RCBTB2: variants seen among roughly 807,000 people sequenced by gnomAD.
RCBTB2 encodes RCC1 and BTB domain containing protein 2.
A neutral mutation model predicts 65.4 loss-of-function variants in RCBTB2; 55 were observed. The observed-to-expected ratio is 0.84, with a 90% CI of 0.68 to 1.05. The LOEUF (loss-of-function observed/expected upper bound fraction) is 1.05, where lower values mean the gene tolerates loss of function less well. Among genes scored for constraint, RCBTB2 ranks in the 50% least tolerant of loss-of-function variants. RCBTB2 has a pLI of 0.00. For synonymous variants in RCBTB2, 220 were observed against 255.2 expected, an observed-to-expected ratio of 0.86 and a Z score of 1.31; for missense variants, 599 against 680.1, an observed-to-expected ratio of 0.88 and a Z score of 1.33.
intron 14 of RCBTB2, among the ~76,000 whole-genome samples, chr13:48,493,607 C>G (rs1346982975): frequency 6.6e-6 from 1 of 151,996 alleles, no homozygotes; most frequent in East Asian, 1.9e-4. Flanking sequence ...ACTGTGCTCC[C>G]TCCACACCGG....
chr13:48,517,418 C>T (rs1256321974), intron 4 of RCBTB2, among the ~76,000 whole-genome samples: 1 of 152,194 alleles, frequency 6.6e-6, no homozygotes, highest in East Asian at 1.9e-4. Flanking sequence ...GCCCCAAATC[C>T]CTGCTCTCGG....
At chr13:48,515,763 T>C (rs1464409672) in intron 4 of RCBTB2, 22 bp from the exon 5 acceptor site, 1 of 1,585,684 alleles carries the variant, frequency 6.3e-7, no homozygotes, top group South Asian at 1.2e-5. Flanking sequence ...AAAATATATG[T>C]TGAAATGACA....
intron 10 of RCBTB2, among the ~76,000 whole-genome samples, chr13:48,506,008 G>A (rs897236880): frequency 2.0e-5 from 3 of 152,194 alleles, no homozygotes; most frequent in African/African-American, 7.2e-5. Context: ...CATCAGTGTG[G>A]CCCTGACTAC....
rs143122031 is a variant in RCBTB2, at chr13:48,502,744, G to T, written c.1097C>A (p.Thr366Lys). Residue 366 changes from threonine to lysine, a missense_variant, in exon 11 of 15, where the codon ACG becomes AAG. Coordinates refer to ENST00000344532, the MANE Select transcript of RCBTB2 (RefSeq NM_001268.4). ...VFACFATPAV[T>K]WRLLSVEPDD... is the part of the protein sequence containing the mutation. Reference sequence around the variant, plus strand: ...CTTACCCACGGAGAGGAGGCGCCACGTGACGGCGGGCGTGGCAAAGCAGGC... The same window carrying T: ...CTTACCCACGGAGAGGAGGCGCCACTTGACGGCGGGCGTGGCAAAGCAGGC... 1 of 1,612,130 alleles carries T rather than the reference G, an allele frequency of 6.2e-7. No individual in the cohort carries two copies. The highest frequency in any genetic ancestry group is 1.1e-5 in the South Asian group (1 of 90,968).
At chr13:48,531,359 T>C (rs747495145) in intron 1 of RCBTB2, among the ~76,000 whole-genome samples, 1 of 152,218 alleles carries the variant, frequency 6.6e-6, no homozygotes, top group Non-Finnish European at 1.5e-5. Context: ...TGGAGATAGA[T>C]TGATCATACC....
chr13:48,505,544 G>A (rs1305442351), intron 10 of RCBTB2, among the ~76,000 whole-genome samples: 1 of 152,196 alleles, frequency 6.6e-6, no homozygotes, highest in African/African-American at 2.4e-5. Context: ...AAGAAAATGG[G>A]AGAAGGAAAT....
At chr13:48,524,206 ATTACC>A (rs1185562822) in intron 2 of RCBTB2, among the ~76,000 whole-genome samples, 1 of 152,108 alleles carries the variant, frequency 6.6e-6, no homozygotes, top group African/African-American at 2.4e-5. Flanking sequence ...ACACGTGGAG[ATTACC>A]TTACCCTGTT....
At chr13:48,532,244 C>CT (rs1952174194) in intron 1 of RCBTB2, 2 of 152,260 alleles carry the variant, frequency 1.3e-5, no homozygotes, top group Admixed American at 1.3e-4. Flanking sequence ...CTGAAAACCT[C>CT]TATTTCCAGG....
intron 1 of RCBTB2, among the ~76,000 whole-genome samples, chr13:48,529,437 G>A (rs1212918688): frequency 1.3e-5 from 2 of 152,136 alleles, no homozygotes; most frequent in Admixed American, 6.5e-5. Flanking sequence ...TTATAATGCA[G>A]TCAAAATTTA....
upstream of RCBTB2, chr13:48,535,794 G>A: frequency 1.5e-5 from 7 of 456,178 alleles, no homozygotes; most frequent in South Asian, 1.1e-4. Flanking sequence ...CCATCTCACT[G>A]GCAGCTCCAT....
chr13:48,510,861 A>G, intron 9 of RCBTB2, 90 bp from the exon 10 acceptor site: 2 of 1,393,070 alleles, frequency 1.4e-6, no homozygotes, highest in Non-Finnish European at 2.0e-6. Context: ...AAATGAAAAA[A>G]AAAGGAAGAG....
chr13:48,494,133 T>C (rs952451220), intron 14 of RCBTB2, among the ~76,000 whole-genome samples: 2 of 152,210 alleles, frequency 1.3e-5, no homozygotes, highest in East Asian at 1.9e-4. Context: ...GGATCTAATA[T>C]AATAATGCCT....
At position 48,522,106 on chromosome 13, in the gene RCBTB2, C is replaced by T. The variant is rs9331967; in HGVS notation, c.-23-144G>A. 2,434 of 791,090 alleles carry T rather than the reference C, an allele frequency of 3.1e-3. 35 individuals carry two copies. In the African/African-American group the frequency reaches 0.038, roughly 13 times the overall value. The allele number at this position is 791,090 out of a possible 1,614,324, so 49.0% of individuals were successfully genotyped here. ...GAAGATAAAGGAATTAAGCTTTAGG[C>T]ATGGGAATGAACAGCTATAAAACTC... On this transcript the variant is annotated intron_variant, in intron 3 of 14. Coordinates refer to ENST00000344532, the MANE Select transcript of RCBTB2 (RefSeq NM_001268.4).
In RCBTB2 at chr13:48,515,685, A is replaced by C. The variant is rs904048010; in HGVS notation, c.99T>G (p.Ile33Met). Reference sequence around the variant, plus strand: ...GTTCTTCTTCAGAACAAAGGGAAAAAATTGGCCACTTTCCCACATCTAACA... The same window carrying C: ...GTTCTTCTTCAGAACAAAGGGAAAACATTGGCCACTTTCCCACATCTAACA... Reference protein sequence around the residue: ...LKMLDVGKWPIFSLCSEEELQ... With the variant: ...LKMLDVGKWPMFSLCSEEELQ... The change falls in exon 5 of 15, where the codon ATT (isoleucine) becomes ATG (methionine). Residue 33 changes from isoleucine to methionine, a missense_variant. By Grantham distance (10) the Ile-to-Met change is conservative. Transcript: ENST00000344532. 6.2e-7 allele frequency: 1 copy of C among 1,614,178 alleles called. No individual in the cohort carries two copies. Among genetic ancestry groups the C allele is most frequent in the Non-Finnish European group, 8.5e-7 (1 of 1,180,014 alleles).
chr13:48,514,684 G>A (rs745668478), intron 6 of RCBTB2, among the ~76,000 whole-genome samples: 15 of 152,174 alleles, frequency 9.9e-5, no homozygotes, highest in Non-Finnish European at 2.2e-4. Context: ...GTCTTGATGT[G>A]AATTAAACTA....
intron 6 of RCBTB2, among the ~76,000 whole-genome samples, chr13:48,514,263 C>T (rs1043023830): frequency 1.3e-5 from 2 of 152,110 alleles, no homozygotes; most frequent in Admixed American, 6.5e-5. Context: ...AAGTAACTAA[C>T]GGGTGGGAGT....
chr13:48,505,718 C>A (rs897710081), intron 10 of RCBTB2, among the ~76,000 whole-genome samples: 2 of 151,794 alleles, frequency 1.3e-5, no homozygotes, highest in Non-Finnish European at 2.9e-5. Context: ...GTTCTAGGGC[C>A]ACGTTATTTA....
chr13:48,506,326 T>C (rs747971721), intron 10 of RCBTB2, among the ~76,000 whole-genome samples: 5 of 152,214 alleles, frequency 3.3e-5, no homozygotes, highest in African/African-American at 1.2e-4. Context: ...TCTGATGTGA[T>C]AGGCAAATGG....
Position 48,489,982 on chromosome 13 carries a change from T to C in RCBTB2, c.*129A>G. ...AGACAAAGACCACTCACCACCATCCTTCTTCTGACAGTTACAAGTACTCAG... is the reference window on the plus strand; with the variant it reads ...AGACAAAGACCACTCACCACCATCCCTCTTCTGACAGTTACAAGTACTCAG... On this transcript the variant is annotated 3_prime_UTR_variant, in exon 15 of 15. Transcript: ENST00000344532. 1.0e-6 allele frequency: 1 copy of C among 1,003,272 alleles called. No homozygotes were observed. The allele number at this position is 1,003,272 out of a possible 1,614,324, so 62.1% of individuals were successfully genotyped here.
Sources: gnomAD v4.1 joint callset for allele counts (sites outside exome capture counted in the v4.1 genomes callset) on GRCh38, gnomAD v4.1.1 for gene constraint, MANE v1.5 for transcripts, NCBI Gene and HGNC (gene_info 2026-07-23, HGNC 2026-07-21) for gene names.